Variants in UGT2B11 observed in about 807,000 individuals in gnomAD.
UGT2B11 encodes UDP-glucuronosyltransferase 2B11.
UGT2B11 carries 49 observed loss-of-function variants against 51.7 expected under a neutral mutation model. That is an observed-to-expected ratio of 0.95 (90% CI 0.75 to 1.20). UGT2B11 has a LOEUF of 1.20. Among genes scored for constraint, UGT2B11 ranks in the 50% most tolerant of loss-of-function variants. UGT2B11 has a pLI of 0.00. For synonymous variants in UGT2B11, 273 were observed against 209.0 expected (o/e 1.31, Z -2.64); for missense variants, 810 against 622.1 (o/e 1.30, Z -3.21).
chr4:69,201,673 G>T (rs1339338711), intron 5 of UGT2B11, among the ~76,000 whole-genome samples: 1 of 151,622 alleles, frequency 6.6e-6, no homozygotes, highest in Non-Finnish European at 1.5e-5. Flanking sequence ...CCCTTTTTGT[G>T]GCTCTAAGTG....
At chr4:69,209,368 C>T (rs1721974840) in intron 2 of UGT2B11, among the ~76,000 whole-genome samples, 1 of 151,640 alleles carries the variant, frequency 6.6e-6, no homozygotes, top group South Asian at 2.1e-4. Flanking sequence ...TAGGAGAGGC[C>T]ACCAGGCCTT....
chr4:69,201,065 T>C (rs1721641366), intron 5 of UGT2B11: 2 of 171,648 alleles, frequency 1.2e-5, no homozygotes, highest in African/African-American at 2.4e-5. Flanking sequence ...ATGAGATGTT[T>C]TGATACAATG....
At chr4:69,210,078 A>G (rs1350167741) in intron 2 of UGT2B11, among the ~76,000 whole-genome samples, 2 of 151,574 alleles carry the variant, frequency 1.3e-5, no homozygotes, top group Non-Finnish European at 3.0e-5. Flanking sequence ...CTTATTGTAT[A>G]TACATTTTAT....
In UGT2B11 at chr4:69,204,579, C is replaced by G. The variant is rs750443191; in HGVS notation, c.1161G>C (p.Gly387=). ...ANGIYEAIYH[G]IPMVGIPLFF... ...ACAATGGAATGCCCACCATAGGGAT[C>G]CCATGGTAGATTGCCTCATAGATGC... The change falls in exon 5 of 6, where the codon GGG becomes GGC. Residue 387 remains glycine (G), a synonymous_variant. Coordinates refer to ENST00000446444, the MANE Select transcript of UGT2B11 (RefSeq NM_001073.3). 16 of 1,612,064 alleles carry G rather than the reference C, an allele frequency of 9.9e-6. No individual in the cohort carries two copies. The highest frequency in any genetic ancestry group is 1.3e-5 in the Non-Finnish European group (15 of 1,178,844).
At position 69,214,281 on chromosome 4, in the gene UGT2B11, C is replaced by A. The variant is rs367971286; in HGVS notation, c.442G>T (p.Val148Phe). Residue 148 changes from valine (V) to phenylalanine (F), a missense_variant, in exon 1 of 6, where the codon GTT becomes TTT. Transcript: ENST00000446444. ...KKLQESRFDIVFADAVFPCGE... is the reference protein window; with the variant it reads ...KKLQESRFDIFFADAVFPCGE... Reference sequence around the variant, plus strand: ...CAGGGAAAAACAGCATCTGCAAAAACGATGTCAAATCTTGACTCTTGTAGT... The same window carrying A: ...CAGGGAAAAACAGCATCTGCAAAAAAGATGTCAAATCTTGACTCTTGTAGT... 5.0e-6 allele frequency: 8 copies of A among 1,613,186 alleles called. No homozygotes were observed. The East Asian group carries it at 1.8e-4, about 36-fold the overall frequency.
At chr4:69,210,022 A>C (rs1722000310) in intron 2 of UGT2B11, among the ~76,000 whole-genome samples, 2 of 151,594 alleles carry the variant, frequency 1.3e-5, no homozygotes, top group Admixed American at 6.6e-5. Context: ...TGTCCTATTT[A>C]TATAGGTCAA....
At chr4:69,204,024 AAAT>A (rs1361444750) in intron 5 of UGT2B11, among the ~76,000 whole-genome samples, 2 of 151,634 alleles carry the variant, frequency 1.3e-5, no homozygotes, top group Non-Finnish European at 3.0e-5. Flanking sequence ...AAGTCTGTTA[AAAT>A]AATGATGATA....
intron 5 of UGT2B11, among the ~76,000 whole-genome samples, chr4:69,202,124 A>C (rs1029209640): frequency 1.3e-5 from 2 of 151,766 alleles, no homozygotes; most frequent in Admixed American, 1.3e-4. Flanking sequence ...TAATTCCATT[A>C]CTATGTAGCA....
intron 3 of UGT2B11, among the ~76,000 whole-genome samples, chr4:69,207,456 G>T (rs1408802800): frequency 4.6e-5 from 7 of 151,656 alleles, no homozygotes; most frequent in Non-Finnish European, 1.0e-4. Flanking sequence ...CTATACAGAA[G>T]AAAATATATT....
chr4:69,212,070 A>C (rs1405836828), intron 2 of UGT2B11, among the ~76,000 whole-genome samples: 1 of 151,488 alleles, frequency 6.6e-6, no homozygotes, highest in East Asian at 1.9e-4. Flanking sequence ...CTTACTAATC[A>C]GTAACTCCAG....
At chr4:69,219,604 T>C (rs192186593), upstream of UGT2B11, among the ~76,000 whole-genome samples, 432 of 152,268 alleles carry the variant, frequency 2.8e-3, 2 homozygotes, top group Non-Finnish European at 3.9e-3. Flanking sequence ...TTGGGAGGCC[T>C]CGCAATGATG....
upstream of UGT2B11, among the ~76,000 whole-genome samples, chr4:69,217,047 C>A (rs532991445): frequency 1.0e-3 from 157 of 152,122 alleles, no homozygotes; most frequent in African/African-American, 3.6e-3. Context: ...TCTTTTTATC[C>A]AAACAGATAT....
In UGT2B11 at chr4:69,200,228, T is replaced by A; in HGVS notation, c.*212A>T. 2 of 611,298 alleles carry A rather than the reference T, an allele frequency of 3.3e-6. No individual in the cohort carries two copies. The highest frequency in any genetic ancestry group is 4.7e-6 in the Non-Finnish European group (2 of 425,580). The allele number at this position is 611,298 out of a possible 1,614,324, so 37.9% of individuals were successfully genotyped here. A position where few individuals can be genotyped will look rare whatever the true frequency, so the allele number is the denominator to read the frequency against. On this transcript the variant is annotated 3_prime_UTR_variant, in exon 6 of 6. Transcript: ENST00000446444. ...TTTTTTAATTTTCCTAGTATTTTCT[T>A]CATTGCCACAAAATATTTCTAACCA... is the stretch of plus-strand genomic sequence containing the variant.
chr4:69,206,773 T>C (rs1020133650), intron 3 of UGT2B11, among the ~76,000 whole-genome samples: 7 of 151,708 alleles, frequency 4.6e-5, no homozygotes, highest in African/African-American at 1.7e-4. Flanking sequence ...ATGTATTTTA[T>C]ATTAGTTTTC....
At chr4:69,221,415 T>A in the UGT2B11 span, among the ~76,000 whole-genome samples, 1 of 152,326 alleles carries the variant, frequency 6.6e-6, no homozygotes, top group East Asian at 1.9e-4. Flanking sequence ...GCCTTTTAGC[T>A]TGATTTGGAC....
chr4:69,214,696 A>G lies in UGT2B11; in HGVS notation c.27T>C (p.Leu9=). The change falls in exon 1 of 6, where the codon CTT becomes CTC. Residue 9 remains leucine, a synonymous_variant. Coordinates refer to ENST00000446444, the MANE Select transcript of UGT2B11 (RefSeq NM_001073.3). The stretch of plus-strand genomic sequence containing the variant: ...AGTAACAACTGAGATGTATCAGCAG[A>G]AGAACTGAAGTCCATTTCAGAGTCA... MTLKWTSV[L]LLIHLSCYFS... 1 of 1,612,736 alleles carries G rather than the reference A, an allele frequency of 6.2e-7. No individual in the cohort carries two copies. The highest frequency in any genetic ancestry group is 2.2e-5 in the East Asian group (1 of 44,828).
chr4:69,222,796 A>G, the UGT2B11 span, among the ~76,000 whole-genome samples: 3 of 152,208 alleles, frequency 2.0e-5, no homozygotes, highest in Non-Finnish European at 4.4e-5. Flanking sequence ...GGGGGCATGC[A>G]CATGAATGGG....
At chr4:69,224,448 TAGAG>T in the UGT2B11 span, among the ~76,000 whole-genome samples, 6 of 152,118 alleles carry the variant, frequency 3.9e-5, no homozygotes, top group Admixed American at 6.5e-5. Flanking sequence ...TCAGGGTTGT[TAGAG>T]AGCCTTTTTC....
At chr4:69,205,635 A>G (rs1721823960) in intron 3 of UGT2B11, 68 bp from the exon 4 acceptor site, 3 of 1,531,196 alleles carry the variant, frequency 2.0e-6, no homozygotes, top group South Asian at 2.3e-5. Context: ...TTAGAACTGT[A>G]GAAAGCATAG....
Sources: allele counts gnomAD v4.1 joint callset (sites outside exome capture counted in the v4.1 genomes callset), GRCh38; gene constraint gnomAD v4.1.1; transcripts MANE v1.5; gene names NCBI Gene and HGNC (gene_info 2026-07-23, HGNC 2026-07-21).